The following RALGAPA2 variants were observed in gnomAD, a reference collection of about 807,000 sequenced individuals.
The protein encoded by RALGAPA2 is ral GTPase-activating protein subunit alpha-2.
In RALGAPA2, 139 loss-of-function variants were observed where a neutral mutation model predicts 230.4. The observed-to-expected ratio is 0.60, with a 90% CI of 0.53 to 0.69. RALGAPA2 has a LOEUF of 0.69. RALGAPA2 is among the 30% of genes least tolerant of loss of function. RALGAPA2 has a pLI of 0.00. For synonymous variants in RALGAPA2, 847 were observed against 837.8 expected (o/e 1.01, Z -0.19); for missense variants, 2,163 against 2,276.0 (o/e 0.95, Z 1.01).
intron 37 of RALGAPA2, among the ~76,000 whole-genome samples, chr20:20,418,169 G>A (rs942289999): frequency 5.3e-5 from 8 of 152,150 alleles, no homozygotes; most frequent in Admixed American, 6.5e-5. Context: ...GAAGAACGCC[G>A]AGCAAATCCA....
intron 10 of RALGAPA2, among the ~76,000 whole-genome samples, chr20:20,627,652 C>T (rs555985063): frequency 6.6e-6 from 1 of 152,356 alleles, no homozygotes; most frequent in East Asian, 1.9e-4. Context: ...CCCGAGAGGG[C>T]ACACTTTCTG....
Position 20,712,603 on chromosome 20 carries a change from T to TGCCGCCGCCGCTGCC in RALGAPA2, c.-124_-123insGGCAGCGGCGGCGGC. The TGCCGCCGCCGCTGCC allele has an allele frequency of 8.5e-7, 1 of 1,171,452 alleles. No individual in the cohort carries two copies. The highest frequency in any genetic ancestry group is 1.1e-6 in the Non-Finnish European group (1 of 937,946). 72.6% of individuals were successfully genotyped at this position (1,171,452 alleles called of 1,614,324 possible). A position where few individuals can be genotyped will look rare whatever the true frequency, so the allele number is the denominator to read the frequency against. ...CACTCGCCGCCCCCAGCCCCGCTGC[T>TGCCGCCGCCGCTGCC]GCCGCCGCCGCCGCCGCCGCCGCCG... On this transcript the variant is annotated 5_prime_UTR_variant, in exon 1 of 40. Transcript: ENST00000202677. The surrounding 1 kb of genome is among the most constrained non-coding windows in gnomAD (Gnocchi z 5.5).
At chr20:20,396,871 A>T in intron 38 of RALGAPA2, 137 bp from the exon 39 acceptor site, 1 of 716,276 alleles carries the variant, frequency 1.4e-6, no homozygotes, top group Non-Finnish European at 2.4e-6. Flanking sequence ...CAATCAGTAA[A>T]AACTGAACAT....
At chr20:20,593,071 C>T (rs926066269) in intron 16 of RALGAPA2, among the ~76,000 whole-genome samples, 3 of 152,188 alleles carry the variant, frequency 2.0e-5, no homozygotes, top group Admixed American at 1.3e-4. Flanking sequence ...GTGCACACCA[C>T]TATACCCAAA....
intron 23 of RALGAPA2, among the ~76,000 whole-genome samples, chr20:20,569,847 T>A (rs1457646262): frequency 1.3e-5 from 2 of 152,150 alleles, no homozygotes; most frequent in Non-Finnish European, 2.9e-5. Context: ...GGATCTATAG[T>A]TGATTATTAT....
chr20:20,405,839 C>T (rs576373694), intron 38 of RALGAPA2, among the ~76,000 whole-genome samples: 1 of 152,290 alleles, frequency 6.6e-6, no homozygotes, highest in East Asian at 1.9e-4. Flanking sequence ...CGAGTGTTTG[C>T]TCTGCATCTT....
intron 35 of RALGAPA2, among the ~76,000 whole-genome samples, chr20:20,500,887 A>G (rs1417546958): frequency 6.6e-6 from 1 of 152,236 alleles, no homozygotes; most frequent in African/African-American, 2.4e-5. Context: ...CAGGAATGAA[A>G]AACAACACTA....
chr20:20,675,937 G>A (rs2068308274), intron 3 of RALGAPA2, among the ~76,000 whole-genome samples: 1 of 151,852 alleles, frequency 6.6e-6, no homozygotes, highest in African/African-American at 2.4e-5. Context: ...ATGACCTTTT[G>A]GAGAGCAATT....
intron 1 of RALGAPA2, among the ~76,000 whole-genome samples, chr20:20,707,143 C>A (rs563186710): frequency 6.6e-6 from 1 of 152,116 alleles, no homozygotes; most frequent in Non-Finnish European, 1.5e-5. Flanking sequence ...GATGACACTC[C>A]TATTATCCCA....
chr20:20,676,100 T>G, intron 3 of RALGAPA2, 136 bp downstream of exon 3: 1 of 566,850 alleles, frequency 1.8e-6, no homozygotes, highest in Non-Finnish European at 3.1e-6. Context: ...AGTGGGAGGG[T>G]GGGAGGAAGG....
chr20:20,430,279 G>A (rs1200124711), intron 37 of RALGAPA2, among the ~76,000 whole-genome samples: 8 of 152,368 alleles, frequency 5.3e-5, no homozygotes, highest in Admixed American at 5.2e-4. Context: ...GCATTCCAGA[G>A]TAGGGACACA....
rs1244902098 is a variant in RALGAPA2 at position 20,680,168 on chromosome 20, C to T, written c.217+523G>A. On this transcript the variant is annotated intron_variant, in intron 2 of 39. Transcript: ENST00000202677. ...GTCTGGCTCCCCAGGCTACACTATC[C>T]TACCACTTAGGTGACAGGATGTATA... 2.6e-5 allele frequency among the ~76,000 whole-genome samples: 4 copies of T among 152,346 alleles called. No individual in the cohort carries two copies. In the East Asian group the frequency reaches 7.7e-4, roughly 29 times the overall value.
chr20:20,635,317 C>T (rs1309772184), intron 9 of RALGAPA2, 101 bp downstream of exon 9: 1 of 1,284,226 alleles, frequency 7.8e-7, no homozygotes. Context: ...TAACCAACAA[C>T]TTGTAAGAAC....
At chr20:20,446,383 A>G (rs1209009202) in intron 37 of RALGAPA2, among the ~76,000 whole-genome samples, 2 of 152,222 alleles carry the variant, frequency 1.3e-5, no homozygotes, top group Non-Finnish European at 2.9e-5. Flanking sequence ...CCACCACATC[A>G]TCTTACAGTG....
At chr20:20,526,396 ATAACT>A (rs745644311) in intron 27 of RALGAPA2, 34 bp from the exon 28 acceptor site, 12 of 1,370,188 alleles carry the variant, frequency 8.8e-6, no homozygotes, top group South Asian at 1.3e-5. Flanking sequence ...AAGCAGACAC[ATAACT>A]TAACAGGTGT....
intron 16 of RALGAPA2, among the ~76,000 whole-genome samples, chr20:20,591,733 A>T (rs1233367525): frequency 6.6e-6 from 1 of 152,080 alleles, no homozygotes; most frequent in Non-Finnish European, 1.5e-5. Context: ...AGATGAAAGG[A>T]AATGTGGGAA....
At chr20:20,682,427 C>T (rs1376285630) in intron 1 of RALGAPA2, among the ~76,000 whole-genome samples, 1 of 152,148 alleles carries the variant, frequency 6.6e-6, no homozygotes, top group Non-Finnish European at 1.5e-5. Flanking sequence ...ACTGCTAGCC[C>T]ATCTACCACT....
intron 16 of RALGAPA2, among the ~76,000 whole-genome samples, chr20:20,591,662 T>C (rs1232353779): frequency 6.6e-6 from 1 of 151,932 alleles, no homozygotes; most frequent in Non-Finnish European, 1.5e-5. Flanking sequence ...ATGGGTAATG[T>C]ACATTTGAGA....
Position 20,573,020 on chromosome 20 carries a change from C to G in RALGAPA2, c.2756G>C (p.Ser919Thr). 1 of 1,610,626 alleles carries G rather than the reference C, an allele frequency of 6.2e-7. No homozygotes were observed. The highest frequency in any genetic ancestry group is 8.5e-7 in the Non-Finnish European group (1 of 1,178,504). The change falls in exon 21 of 40, where the codon AGC becomes ACC. Residue 919 changes from serine to threonine, a missense_variant. Transcript: ENST00000202677. ...TDDCSIIAGG[S>T]LTGWHPDSAA... is the part of the protein sequence containing the mutation. ...AGAGTCTGGGTGCCAACCAGTGAGG[C>G]TCCCCCCGGCGATTATACTACAGTC...
Sources: allele counts gnomAD v4.1 joint callset (sites outside exome capture counted in the v4.1 genomes callset), GRCh38; gene constraint gnomAD v4.1.1; non-coding constraint Gnocchi (gnomAD v3.1); transcripts MANE v1.5; gene names NCBI Gene and HGNC (gene_info 2026-07-23, HGNC 2026-07-21).